The following DCDC2 variants were observed in gnomAD, a reference collection of about 807,000 sequenced individuals.
DCDC2 encodes the protein doublecortin domain containing 2.
A neutral mutation model predicts 50.2 loss-of-function variants in DCDC2; 40 were observed. The observed-to-expected ratio is 0.80, with a 90% CI of 0.62 to 1.04. The LOEUF (loss-of-function observed/expected upper bound fraction) is 1.04, where lower values mean the gene tolerates loss of function less well. Among genes scored for constraint, DCDC2 ranks in the 50% least tolerant of loss-of-function variants. The pLI is 0.00. For synonymous variants in DCDC2, 234 were observed against 210.6 expected, an observed-to-expected ratio of 1.11 and a Z score of -0.96; for missense variants, 570 against 581.9, an observed-to-expected ratio of 0.98 and a Z score of 0.21.
intron 7 of DCDC2, among the ~76,000 whole-genome samples, chr6:24,248,029 T>C (rs1381303555): frequency 2.0e-5 from 3 of 152,106 alleles, no homozygotes. Flanking sequence ...TGAGCCAAGA[T>C]TGCACCATTG....
At chr6:24,183,991 T>A (rs1006932889) in intron 8 of DCDC2, among the ~76,000 whole-genome samples, 1 of 152,160 alleles carries the variant, frequency 6.6e-6, no homozygotes, top group Non-Finnish European at 1.5e-5. Context: ...GTGCCAAACA[T>A]CACACGCAGC....
chr6:24,187,870 A>G (rs925817430), intron 8 of DCDC2, among the ~76,000 whole-genome samples: 1 of 152,200 alleles, frequency 6.6e-6, no homozygotes, highest in Non-Finnish European at 1.5e-5. Flanking sequence ...CCTCACAACA[A>G]TTATTTAAGA....
chr6:24,361,285 G>C (rs963207290), upstream of DCDC2, among the ~76,000 whole-genome samples: 2 of 152,062 alleles, frequency 1.3e-5, no homozygotes, highest in African/African-American at 4.8e-5. Context: ...GGTGGAGCGT[G>C]GGAGGAGGGA....
intron 8 of DCDC2, among the ~76,000 whole-genome samples, chr6:24,196,714 C>T (rs1412118540): frequency 1.3e-5 from 2 of 152,130 alleles, no homozygotes; most frequent in African/African-American, 4.8e-5. Context: ...CATGAGCTAC[C>T]ACACCCAGCT....
chr6:24,354,911 A>C (rs1581668054), intron 1 of DCDC2, among the ~76,000 whole-genome samples: 1 of 152,324 alleles, frequency 6.6e-6, no homozygotes, highest in East Asian at 1.9e-4. Flanking sequence ...CGATTTGATC[A>C]GTTCCATTTG....
chr6:24,206,908 C>G (rs970220525), intron 7 of DCDC2, among the ~76,000 whole-genome samples: 1 of 151,764 alleles, frequency 6.6e-6, no homozygotes, highest in Admixed American at 6.6e-5. Context: ...TATCAGTGAA[C>G]CAAAATGTTT....
At chr6:24,372,422 A>G in the DCDC2 span, among the ~76,000 whole-genome samples, 3 of 152,118 alleles carry the variant, frequency 2.0e-5, no homozygotes, top group African/African-American at 4.8e-5. Flanking sequence ...CCGTCTCAAA[A>G]AAAAAAAAGG....
At chr6:24,351,933 G>A (rs1760379908) in intron 2 of DCDC2, among the ~76,000 whole-genome samples, 3 of 152,052 alleles carry the variant, frequency 2.0e-5, no homozygotes, top group Non-Finnish European at 2.9e-5. Flanking sequence ...CTGAAACCCC[G>A]TCTCTACGAA....
chr6:24,295,486 C>G (rs1763841830), intron 4 of DCDC2, among the ~76,000 whole-genome samples: 1 of 152,016 alleles, frequency 6.6e-6, no homozygotes, highest in Non-Finnish European at 1.5e-5. Context: ...TCAGGCAAGA[C>G]AAAGAATTAA....
At chr6:24,291,151 T>C (rs1763736238) in intron 4 of DCDC2, 73 bp from the exon 5 acceptor site, 1 of 1,447,120 alleles carries the variant, frequency 6.9e-7, no homozygotes, top group African/African-American at 1.4e-5. Context: ...TTACAAAGTA[T>C]TCTGGATGTC....
At chr6:24,288,782 G>T in intron 6 of DCDC2, 70 bp downstream of exon 6, 1 of 1,420,584 alleles carries the variant, frequency 7.0e-7, no homozygotes, top group Non-Finnish European at 9.9e-7. Context: ...CTTAATTGAA[G>T]CCCAAAGGAC....
At chr6:24,246,562 C>T (rs1289630188) in intron 7 of DCDC2, among the ~76,000 whole-genome samples, 1 of 136,624 alleles carries the variant, frequency 7.3e-6, no homozygotes, top group Non-Finnish European at 1.5e-5. Context: ...TCTCAGCTCA[C>T]TACAACCACT....
the DCDC2 span, among the ~76,000 whole-genome samples, chr6:24,370,189 T>C: frequency 2.0e-5 from 3 of 152,180 alleles, no homozygotes; most frequent in Non-Finnish European, 4.4e-5. Flanking sequence ...CTAATGGATA[T>C]AGAGGCTACT....
At chr6:24,212,318 C>T (rs1177395848) in intron 7 of DCDC2, among the ~76,000 whole-genome samples, 4 of 152,162 alleles carry the variant, frequency 2.6e-5, no homozygotes, top group Admixed American at 6.5e-5. Flanking sequence ...CTTTCTGAGT[C>T]CTGCAGATAC....
At chr6:24,214,581 G>C (rs1464634142) in intron 7 of DCDC2, among the ~76,000 whole-genome samples, 1 of 152,032 alleles carries the variant, frequency 6.6e-6, no homozygotes, top group Non-Finnish European at 1.5e-5. Context: ...CCTCTGAGTA[G>C]GTTTACCTAA....
intron 7 of DCDC2, among the ~76,000 whole-genome samples, chr6:24,240,961 C>T (rs546531185): frequency 6.6e-6 from 1 of 152,328 alleles, no homozygotes; most frequent in Non-Finnish European, 1.5e-5. Flanking sequence ...GTGTCTGATA[C>T]TGATATCAAG....
chr6:24,174,612 G>A lies in DCDC2; in HGVS notation c.*118C>T, dbSNP rs538484732. 97 of 607,214 alleles carry A rather than the reference G, an allele frequency of 1.6e-4. No individual in the cohort carries two copies. The highest frequency in any genetic ancestry group is 9.2e-4 in the Admixed American group (34 of 36,898). The allele number at this position is 607,214 out of a possible 1,614,324, so 37.6% of individuals were successfully genotyped here. Reference sequence around the variant, plus strand: ...CACTAGGCTTCTAATGTTATAATTCGTAGGTAGTATTCGACCATAGTGTCA... The same window carrying A: ...CACTAGGCTTCTAATGTTATAATTCATAGGTAGTATTCGACCATAGTGTCA... On this transcript the variant is annotated 3_prime_UTR_variant, in exon 10 of 10. Transcript: ENST00000378454.
chr6:24,275,236 AAG>A (rs1278990069), intron 7 of DCDC2, among the ~76,000 whole-genome samples: 1 of 152,194 alleles, frequency 6.6e-6, no homozygotes, highest in African/African-American at 2.4e-5. Flanking sequence ...GGCTGAATTA[AAG>A]AGAGAAATGG....
At chr6:24,215,432 G>A (rs1459702066) in intron 7 of DCDC2, among the ~76,000 whole-genome samples, 2 of 152,090 alleles carry the variant, frequency 1.3e-5, no homozygotes, top group Non-Finnish European at 2.9e-5. Flanking sequence ...GGCTGAGGGA[G>A]CGTCCTGGAA....
Sources: gnomAD v4.1 joint callset for allele counts (sites outside exome capture counted in the v4.1 genomes callset) on GRCh38, gnomAD v4.1.1 for gene constraint, MANE v1.5 for transcripts, NCBI Gene and HGNC (gene_info 2026-07-23, HGNC 2026-07-21) for gene names.